TENM1: variants seen among roughly 807,000 people sequenced by gnomAD.
TENM1 encodes teneurin transmembrane protein 1.
A neutral mutation model predicts 174.8 loss-of-function variants in TENM1; 35 were observed. That is an observed-to-expected ratio of 0.20 (90% confidence interval 0.15 to 0.27). The LOEUF is 0.27. Ranked by LOEUF, TENM1 falls within the 10% of genes least tolerant of loss-of-function variation. TENM1 has a pLI of 1.00. For synonymous variants in TENM1, 781 were observed against 798.7 expected (o/e 0.98, Z 0.37); for missense variants, 1,633 against 2,130.1 (o/e 0.77, Z 4.59).
intron 3 of TENM1, among the ~76,000 whole-genome samples, chrX:124,865,859 G>A (rs932716907): frequency 1.5e-4 from 17 of 111,643 alleles, no homozygotes; most frequent in African/African-American, 4.9e-4. Context: ...CAGGATTTGC[G>A]ATACTTATAT....
At chrX:124,850,335 T>C (rs749592854) in intron 3 of TENM1, among the ~76,000 whole-genome samples, 3 of 111,801 alleles carry the variant, frequency 2.7e-5, no homozygotes, top group East Asian at 5.6e-4. Flanking sequence ...CACAGCTTTA[T>C]ATATTCTGCC....
At chrX:124,977,649 G>A in the TENM1 span, among the ~76,000 whole-genome samples, 3 of 109,128 alleles carry the variant, frequency 2.7e-5, no homozygotes, top group African/African-American at 1.0e-4. Flanking sequence ...AACCCCTGGC[G>A]ACCACTAATC....
chrX:124,390,555 AT>A (rs1394045718), intron 28 of TENM1, among the ~76,000 whole-genome samples: 1 of 111,894 alleles, frequency 8.9e-6, no homozygotes, highest in Non-Finnish European at 1.9e-5. Flanking sequence ...TATGAGTGCA[AT>A]CCTACGTATG....
At chrX:124,645,337 T>C in exon 10 of TENM1, 1 of 1,203,942 alleles carries the variant, frequency 8.3e-7, no homozygotes, top group Middle Eastern at 2.3e-4. Context: ...AGGGCAGGAA[T>C]CTGAAGGTTG....
chrX:124,677,674 C>T (rs749431390), intron 5 of TENM1, among the ~76,000 whole-genome samples: 20 of 111,193 alleles, frequency 1.8e-4, no homozygotes, highest in South Asian at 7.5e-4. Context: ...GAGTGGTACA[C>T]GCTTACTATG....
At chrX:124,479,912 A>G (rs2046807670) in intron 22 of TENM1, among the ~76,000 whole-genome samples, 1 of 111,985 alleles carries the variant, frequency 8.9e-6, no homozygotes, top group Non-Finnish European at 1.9e-5. Flanking sequence ...TTGTGGACCC[A>G]CTATGTATAA....
At chrX:124,987,328 A>G in the TENM1 span, among the ~76,000 whole-genome samples, 1 of 111,347 alleles carries the variant, frequency 9.0e-6, no homozygotes, top group Non-Finnish European at 1.9e-5. Flanking sequence ...GTAATACAAA[A>G]TACGGGGAAA....
chrX:124,503,427 G>A (rs1331367386), intron 19 of TENM1, 133 bp downstream of exon 22: 3 of 523,629 alleles, frequency 5.7e-6, no homozygotes, highest in Non-Finnish European at 9.1e-6. Context: ...GAATTATTAT[G>A]TTTAATGCGG....
intron 25 of TENM1, among the ~76,000 whole-genome samples, chrX:124,408,130 GC>G (rs2060484145): frequency 9.1e-6 from 1 of 110,107 alleles, no homozygotes; most frequent in Non-Finnish European, 1.9e-5. Context: ...ATAATATCCA[GC>G]CTTTTTTAAA....
intron 3 of TENM1, among the ~76,000 whole-genome samples, chrX:124,748,920 T>C (rs920495121): frequency 1.8e-5 from 2 of 111,606 alleles, no homozygotes; most frequent in African/African-American, 6.5e-5. Flanking sequence ...GCTTGGCACA[T>C]AGTAAGCACT....
At chrX:124,609,954 C>T (rs1260906076) in intron 11 of TENM1, among the ~76,000 whole-genome samples, 1 of 111,649 alleles carries the variant, frequency 9.0e-6, no homozygotes, top group African/African-American at 3.2e-5. Context: ...TGGGCAATAA[C>T]GATAATGCCT....
intron 23 of TENM1, among the ~76,000 whole-genome samples, chrX:124,438,328 A>G (rs1158487438): frequency 9.0e-6 from 1 of 110,511 alleles, no homozygotes; most frequent in Non-Finnish European, 1.9e-5. Context: ...AGAGAGATAC[A>G]GAAGTATCTT....
intron 3 of TENM1, among the ~76,000 whole-genome samples, chrX:124,864,060 C>T (rs2056961052): frequency 8.9e-6 from 1 of 112,241 alleles, no homozygotes; most frequent in African/African-American, 3.2e-5. Context: ...TTAGAATGCC[C>T]CCTAAAGCAT....
chrX:124,592,110 A>G (rs2049761215), intron 11 of TENM1, among the ~76,000 whole-genome samples: 1 of 112,107 alleles, frequency 8.9e-6, no homozygotes, highest in Admixed American at 9.5e-5. Flanking sequence ...TCTGTTTAGC[A>G]TATTAATCTC....
the TENM1 span, among the ~76,000 whole-genome samples, chrX:125,028,562 A>G: frequency 8.9e-6 from 1 of 111,835 alleles, no homozygotes; most frequent in Non-Finnish European, 1.9e-5. Context: ...AAGAGGATCA[A>G]GAAAAATAAT....
At chrX:124,403,092 C>T (rs779186833) in intron 27 of TENM1, among the ~76,000 whole-genome samples, 52 of 110,543 alleles carry the variant, frequency 4.7e-4, no homozygotes, top group African/African-American at 1.4e-3. Flanking sequence ...TCAATAGAAT[C>T]GAAACATAAA....
intron 24 of TENM1, among the ~76,000 whole-genome samples, chrX:124,421,040 C>T: frequency 8.9e-6 from 1 of 112,248 alleles, no homozygotes; most frequent in Admixed American, 9.4e-5. Context: ...ATCTAATTAT[C>T]TCAGTTATAC....
the TENM1 span, among the ~76,000 whole-genome samples, chrX:124,977,479 T>G: frequency 4.5e-5 from 5 of 111,584 alleles, no homozygotes; most frequent in Non-Finnish European, 9.4e-5. Flanking sequence ...TTAATTTTCA[T>G]AAATACAATT....
intron 3 of TENM1, among the ~76,000 whole-genome samples, chrX:124,866,385 T>G (rs765782940): frequency 6.5e-4 from 72 of 111,604 alleles, no homozygotes; most frequent in Non-Finnish European, 1.2e-3. Context: ...TACATAGAAA[T>G]TAAACAATAT....
Sources: allele counts gnomAD v4.1 joint callset (sites outside exome capture counted in the v4.1 genomes callset), GRCh38; gene constraint gnomAD v4.1.1; transcripts MANE v1.5; gene names NCBI Gene and HGNC (gene_info 2026-07-23, HGNC 2026-07-21).